Variants in IGF1R observed in about 807,000 individuals in gnomAD.
The protein encoded by IGF1R is insulin-like growth factor 1 receptor.
IGF1R carries 44 observed loss-of-function variants against 144.6 expected under a neutral mutation model. The observed-to-expected ratio is 0.30, with a 90% CI of 0.24 to 0.39. The LOEUF is 0.39. IGF1R is among the 10% of genes least tolerant of loss of function. The pLI is 1.00. For synonymous variants in IGF1R, 795 were observed against 722.8 expected, an observed-to-expected ratio of 1.10 and a Z score of -1.60; for missense variants, 1,355 against 1,833.7, an observed-to-expected ratio of 0.74 and a Z score of 4.77.
intron 2 of IGF1R, among the ~76,000 whole-genome samples, chr15:98,718,828 T>G (rs2054180925): frequency 6.6e-6 from 1 of 152,150 alleles, no homozygotes; most frequent in Non-Finnish European, 1.5e-5. Context: ...CTGGGCAGCC[T>G]TACTGTTTGA....
At chr15:98,816,353 C>G (rs779220867) in intron 2 of IGF1R, among the ~76,000 whole-genome samples, 15 of 152,232 alleles carry the variant, frequency 9.9e-5, no homozygotes, top group Non-Finnish European at 1.8e-4. Flanking sequence ...CAGGAATCAT[C>G]ATTCATCGCA....
chr15:98,835,318 G>C (rs569654190), intron 2 of IGF1R, among the ~76,000 whole-genome samples: 1 of 152,312 alleles, frequency 6.6e-6, no homozygotes, highest in South Asian at 2.1e-4. Flanking sequence ...TAGATGGAAA[G>C]AGTGCAGATA....
chr15:98,934,573 TTCTA>T (rs769805717), intron 15 of IGF1R, among the ~76,000 whole-genome samples: 1 of 152,242 alleles, frequency 6.6e-6, no homozygotes. Context: ...GTTCTGGTCC[TTCTA>T]TCTGTTAGTA....
intron 2 of IGF1R, among the ~76,000 whole-genome samples, chr15:98,841,077 AAGTG>A (rs2011166063): frequency 6.6e-6 from 1 of 151,900 alleles, no homozygotes; most frequent in African/African-American, 2.4e-5. Flanking sequence ...TTTTTTTTGA[AAGTG>A]TGTGTGTATG....
chr15:98,650,906 G>C (rs1161064082), intron 1 of IGF1R: 2 of 984,924 alleles, frequency 2.0e-6, no homozygotes, highest in Non-Finnish European at 2.4e-6. Context: ...GAAGCGCGGG[G>C]ATGCGGGGAG....
intron 2 of IGF1R, among the ~76,000 whole-genome samples, chr15:98,740,803 A>G (rs2054720724): frequency 6.6e-6 from 1 of 152,186 alleles, no homozygotes; most frequent in African/African-American, 2.4e-5. Context: ...CTGGCTTAGG[A>G]AATGCTTCTC....
At chr15:98,724,266 G>GA (rs879677472) in intron 2 of IGF1R, among the ~76,000 whole-genome samples, 1 of 152,154 alleles carries the variant, frequency 6.6e-6, no homozygotes, top group Admixed American at 6.5e-5. Flanking sequence ...GCATTTTTAA[G>GA]GAGTCTCAAC....
chr15:98,868,805 C>G (rs757012376), intron 2 of IGF1R, among the ~76,000 whole-genome samples: 6 of 152,130 alleles, frequency 3.9e-5, no homozygotes, highest in Non-Finnish European at 5.9e-5. Context: ...GTGAGTGCCC[C>G]GTAAATGTTA....
At chr15:98,794,223 A>T (rs2056189932) in intron 2 of IGF1R, among the ~76,000 whole-genome samples, 1 of 152,124 alleles carries the variant, frequency 6.6e-6, no homozygotes, top group South Asian at 2.1e-4. Flanking sequence ...GCAGTTTTGG[A>T]TTCGTGGCCA....
At chr15:98,735,388 G>T (rs4393553) in intron 2 of IGF1R, among the ~76,000 whole-genome samples, 147,034 of 152,340 alleles carry the variant, frequency 0.97, 71,121 homozygotes, top group African/African-American at 0.98. Flanking sequence ...TAAGGATCCA[G>T]GTGGTAGCAA....
At chr15:98,919,233 T>A (rs1478106380) in intron 10 of IGF1R, among the ~76,000 whole-genome samples, 2 of 152,214 alleles carry the variant, frequency 1.3e-5, no homozygotes, top group Non-Finnish European at 2.9e-5. Flanking sequence ...ATTGCGTTGC[T>A]TCTCGTGGTC....
intron 2 of IGF1R, among the ~76,000 whole-genome samples, chr15:98,879,248 A>G (rs1427428365): frequency 2.0e-5 from 3 of 152,234 alleles, no homozygotes; most frequent in Admixed American, 1.3e-4. Flanking sequence ...ATGATTTCAG[A>G]GTACACTAGA....
At chr15:98,878,641 CTCT>C (rs1390482506) in intron 2 of IGF1R, among the ~76,000 whole-genome samples, 4 of 118,770 alleles carry the variant, frequency 3.4e-5, no homozygotes, top group African/African-American at 1.3e-4. Context: ...AGTGATTTCT[CTCT>C]TCTTATTTGT....
chr15:98,681,328 G>T (rs2053184366), intron 1 of IGF1R, among the ~76,000 whole-genome samples: 1 of 152,098 alleles, frequency 6.6e-6, no homozygotes, highest in Admixed American at 6.5e-5. Flanking sequence ...TTCAGTTCTT[G>T]CTTCTCTGCT....
chr15:98,780,569 AAAAAAAG>A lies in IGF1R; in HGVS notation c.640+72464_640+72470del, dbSNP rs1479737032. On this transcript the variant is annotated intron_variant, in intron 2 of 20. Transcript: ENST00000650285. Reference sequence around the variant, plus strand: ...TGTCTCAAAAAAAAAAAAAAAAAAAAAAAAAAGAGAGAGAGAGTAAATAAAATTGTAA... The same window carrying A: ...TGTCTCAAAAAAAAAAAAAAAAAAAAAGAGAGAGAGTAAATAAAATTGTAA... 6.4e-5 allele frequency among the ~76,000 whole-genome samples: 2 copies of A among 31,144 alleles called. 1 individual carries two copies. The highest frequency in any genetic ancestry group is 9.0e-5 in the African/African-American group (2 of 22,206). The allele number at this position is 31,144 out of a possible 152,430, so 20.4% of individuals were successfully genotyped here.
intron 2 of IGF1R, among the ~76,000 whole-genome samples, chr15:98,868,370 T>TG (rs5814907): frequency 0.21 from 25,782 of 122,396 alleles, 3,168 homozygotes; most frequent in Non-Finnish European, 0.29. Context: ...TTTTTTTTTT[T>TG]GGGGGGGGGG....
intron 2 of IGF1R, among the ~76,000 whole-genome samples, chr15:98,825,928 T>C (rs1394226423): frequency 6.6e-6 from 1 of 152,142 alleles, no homozygotes; most frequent in Non-Finnish European, 1.5e-5. Flanking sequence ...TGGGTGTGAA[T>C]GTTGGGCAGA....
At position 98,961,808 on chromosome 15, in the gene IGF1R, GCCT is replaced by G. The variant is rs1811864936; in HGVS notation, c.*4373_*4375del. The G allele has an allele frequency of 8.6e-6, 2 of 233,272 alleles. No individual in the cohort carries two copies. The highest frequency in any genetic ancestry group is 1.7e-5 in the Non-Finnish European group (2 of 118,082). 14.5% of individuals were successfully genotyped at this position (233,272 alleles called of 1,614,324 possible). A position where few individuals can be genotyped will look rare whatever the true frequency, so the allele number is the denominator to read the frequency against. On this transcript the variant is annotated 3_prime_UTR_variant, in exon 21 of 21. Transcript: ENST00000650285. ...GACGTTTGACATACCTTTGGAACGA[GCCT>G]CCTCCTTGGAAGATGGAAGACCGTG... is the stretch of plus-strand genomic sequence containing the variant.
At chr15:98,938,573 CT>C (rs1346878863) in intron 17 of IGF1R, among the ~76,000 whole-genome samples, 1 of 152,204 alleles carries the variant, frequency 6.6e-6, no homozygotes, top group Non-Finnish European at 1.5e-5. Context: ...CTAGTTTCAG[CT>C]GGACTTCAGT....
Sources: gnomAD v4.1 joint callset for allele counts (sites outside exome capture counted in the v4.1 genomes callset) on GRCh38, gnomAD v4.1.1 for gene constraint, MANE v1.5 for transcripts, NCBI Gene and HGNC (gene_info 2026-07-23, HGNC 2026-07-21) for gene names.